Variants in TMEM117 observed in about 807,000 individuals in gnomAD.
The protein encoded by TMEM117 is transmembrane protein 117.
In TMEM117, 27 loss-of-function variants were observed where a neutral mutation model predicts 52.4. The ratio of observed to expected loss-of-function variants is 0.51; its 90% confidence interval spans 0.38 to 0.71. The LOEUF (loss-of-function observed/expected upper bound fraction) is 0.71. Ranked by LOEUF, TMEM117 falls within the 30% of genes least tolerant of loss-of-function variation. The pLI, the probability that TMEM117 is intolerant of heterozygous loss-of-function variation, is 0.00. For synonymous variants in TMEM117, 215 were observed against 206.3 expected (o/e 1.04, Z -0.36); for missense variants, 556 against 630.5 (o/e 0.88, Z 1.26).
At chr12:44,096,921 A>G (rs1947774720) in intron 3 of TMEM117, among the ~76,000 whole-genome samples, 1 of 151,774 alleles carries the variant, frequency 6.6e-6, no homozygotes, top group African/African-American at 2.4e-5. Context: ...ATCAGAGTGA[A>G]CAGGCAACCT....
At chr12:44,094,105 T>G (rs1346663791) in intron 3 of TMEM117, among the ~76,000 whole-genome samples, 4 of 152,164 alleles carry the variant, frequency 2.6e-5, no homozygotes, top group Non-Finnish European at 5.9e-5. Flanking sequence ...TAATAAAGCA[T>G]TGCCATTCAA....
At chr12:43,939,389 A>G (rs1411314754) in intron 2 of TMEM117, among the ~76,000 whole-genome samples, 6 of 152,198 alleles carry the variant, frequency 3.9e-5, no homozygotes, top group Non-Finnish European at 8.8e-5. Context: ...TTTCCTAGTC[A>G]GGGTCTTATG....
rs191588643 is a variant in TMEM117, at chr12:43,847,831, T to C, written c.277+2903T>C. 1.4e-3 allele frequency among the ~76,000 whole-genome samples: 209 copies of C among 152,294 alleles called. 1 individual carries two copies. The highest frequency in any genetic ancestry group is 4.1e-3 in the Admixed American group (63 of 15,296). On this transcript the variant is annotated intron_variant, in intron 2 of 7. Coordinates refer to ENST00000266534, the MANE Select transcript of TMEM117 (RefSeq NM_032256.3). Reference sequence around the variant, plus strand: ...ATGATGGTCTGGTATTGGGGGAACCTGCCCCCAATATTTTAACATAGGTTC... The same window carrying C: ...ATGATGGTCTGGTATTGGGGGAACCCGCCCCCAATATTTTAACATAGGTTC...
At chr12:43,799,226 C>CT in the TMEM117 span, among the ~76,000 whole-genome samples, 423 of 151,638 alleles carry the variant, frequency 2.8e-3, 2 homozygotes, top group African/African-American at 9.8e-3. Context: ...TTCATTTTAA[C>CT]TTTTTTTTTC....
At chr12:43,839,255 G>C (rs1282021988) in intron 1 of TMEM117, among the ~76,000 whole-genome samples, 1 of 152,068 alleles carries the variant, frequency 6.6e-6, no homozygotes. Flanking sequence ...GAAACAGACA[G>C]GCCTTTCTGT....
intron 3 of TMEM117, among the ~76,000 whole-genome samples, chr12:43,945,142 G>C (rs1161905651): frequency 5.6e-5 from 2 of 35,502 alleles, no homozygotes; most frequent in Non-Finnish European, 2.2e-4. Flanking sequence ...AATAAATAAA[G>C]TGGGCCACCC....
chr12:44,277,761 CTTTTT>C, intron 5 of TMEM117, among the ~76,000 whole-genome samples: 1 of 95,522 alleles, frequency 1.0e-5, no homozygotes, highest in South Asian at 4.3e-4. Context: ...AAACTCTGAG[CTTTTT>C]TTTTTTTTTT....
the TMEM117 span, chr12:43,797,986 AT>A: frequency 0.035 from 26,237 of 756,240 alleles, 589 homozygotes; most frequent in African/African-American, 0.046. Context: ...TCCTGCTAGC[AT>A]TTTGTCAACA....
chr12:44,393,064 C>A (rs952482590), downstream of TMEM117, among the ~76,000 whole-genome samples: 1 of 151,930 alleles, frequency 6.6e-6, no homozygotes, highest in African/African-American at 2.4e-5. Flanking sequence ...TAATGAGAAA[C>A]AAAATTGGAA....
chr12:43,904,934 G>A (rs1050867267), intron 2 of TMEM117, among the ~76,000 whole-genome samples: 9 of 152,072 alleles, frequency 5.9e-5, no homozygotes, highest in Admixed American at 1.3e-4. Context: ...ACCTGAGGTC[G>A]GGAGTTCGAG....
At chr12:44,090,343 C>T (rs188250165) in intron 3 of TMEM117, among the ~76,000 whole-genome samples, 3 of 151,896 alleles carry the variant, frequency 2.0e-5, no homozygotes, top group African/African-American at 7.2e-5. Flanking sequence ...TTGGATTCTC[C>T]AGGGTTTATT....
In TMEM117 at chr12:43,990,121, T is replaced by A. The variant is rs535999055; in HGVS notation, c.410+45779T>A. 2.9e-3 allele frequency among the ~76,000 whole-genome samples: 449 copies of A among 152,252 alleles called. 3 individuals are homozygous for A. Among genetic ancestry groups the A allele is most frequent in the African/African-American group, 0.01 (436 of 41,572 alleles). On this transcript the variant is annotated intron_variant, in intron 3 of 7. Transcript: ENST00000266534. ...AAATATTAATTATAAGAAAATTGAT[T>A]TAAAAAACTCTTAAAGATAGTTCTT...
At chr12:43,859,532 C>T (rs1444670170) in intron 2 of TMEM117, among the ~76,000 whole-genome samples, 1 of 151,846 alleles carries the variant, frequency 6.6e-6, no homozygotes, top group Non-Finnish European at 1.5e-5. Context: ...TATATGAAGT[C>T]AAAGAAGAAA....
intron 5 of TMEM117, among the ~76,000 whole-genome samples, chr12:44,244,130 A>C (rs1950099520): frequency 6.6e-6 from 1 of 151,940 alleles, no homozygotes; most frequent in Admixed American, 6.6e-5. Context: ...ATACTCTTGT[A>C]TATATATCCA....
chr12:44,014,832 T>G (rs1946349202), intron 3 of TMEM117, among the ~76,000 whole-genome samples: 1 of 152,222 alleles, frequency 6.6e-6, no homozygotes, highest in African/African-American at 2.4e-5. Context: ...AGCCTCTATT[T>G]GTTGTACCGT....
intron 2 of TMEM117, among the ~76,000 whole-genome samples, chr12:43,886,576 G>A (rs1328642668): frequency 1.3e-5 from 2 of 152,130 alleles, no homozygotes; most frequent in Admixed American, 6.5e-5. Context: ...ATAATTTGAG[G>A]GGGACATAGG....
chr12:44,070,924 G>A (rs1402332278), intron 3 of TMEM117, among the ~76,000 whole-genome samples: 1 of 152,116 alleles, frequency 6.6e-6, no homozygotes, highest in Non-Finnish European at 1.5e-5. Context: ...AAGGAGTAAG[G>A]AAAATCCTTA....
At chr12:43,844,197 C>G (rs1182673548) in intron 1 of TMEM117, among the ~76,000 whole-genome samples, 1 of 152,188 alleles carries the variant, frequency 6.6e-6, no homozygotes, top group Non-Finnish European at 1.5e-5. Context: ...CGTGGTGGCA[C>G]ATGCCTGTGG....
the TMEM117 span, among the ~76,000 whole-genome samples, chr12:44,397,767 T>C: frequency 6.6e-6 from 1 of 152,174 alleles, no homozygotes; most frequent in Non-Finnish European, 1.5e-5. Context: ...ATTTGATTAG[T>C]TGTTTATGGG....
Sources: gnomAD v4.1 joint callset for allele counts (sites outside exome capture counted in the v4.1 genomes callset) on GRCh38, gnomAD v4.1.1 for gene constraint, MANE v1.5 for transcripts, NCBI Gene and HGNC (gene_info 2026-07-23, HGNC 2026-07-21) for gene names.